USH2A: variants seen among roughly 807,000 people sequenced by gnomAD.
The protein encoded by USH2A is usherin.
In USH2A, 443 loss-of-function variants were observed where a neutral mutation model predicts 538.9. The ratio of observed to expected loss-of-function variants is 0.82; its 90% CI spans 0.76 to 0.89. The LOEUF (loss-of-function observed/expected upper bound fraction) is 0.89. Ranked by LOEUF, USH2A falls within the 40% of genes least tolerant of loss-of-function variation. The pLI is 0.00. For missense variants in USH2A, 6,633 were observed against 6,324.8 expected, an observed-to-expected ratio of 1.05 and a Z score of -1.65; for synonymous variants, 2,413 against 2,273.5, an observed-to-expected ratio of 1.06 and a Z score of -1.75.
At chr1:215,859,022 C>T (rs1290045588) in intron 44 of USH2A, among the ~76,000 whole-genome samples, 2 of 152,040 alleles carry the variant, frequency 1.3e-5, no homozygotes, top group African/African-American at 4.8e-5. Flanking sequence ...TTTTCCCATG[C>T]TTTTCCTCTG....
At chr1:216,142,154 T>C (rs1488175030) in intron 21 of USH2A, among the ~76,000 whole-genome samples, 1 of 152,208 alleles carries the variant, frequency 6.6e-6, no homozygotes, top group East Asian at 1.9e-4. Context: ...CCAGAAGATA[T>C]TATAATTTTC....
intron 25 of USH2A, 43 bp downstream of exon 25, chr1:216,084,655 C>T (rs759378619): frequency 5.0e-6 from 8 of 1,601,036 alleles, no homozygotes; most frequent in Non-Finnish European, 6.8e-6. Flanking sequence ...AAGGATAGAA[C>T]ATAGATTTTA....
chr1:215,779,765 C>A lies in USH2A; in HGVS notation c.10939+78G>T, dbSNP rs577050805. Reference sequence around the variant, plus strand: ...GAAGTGACCTCATATATCAAACACACACCCCTGGGATGCTTTGCCCCCCTA... The same window carrying A: ...GAAGTGACCTCATATATCAAACACAAACCCCTGGGATGCTTTGCCCCCCTA... On this transcript the variant is annotated intron_variant, in intron 55 of 71. Coordinates refer to ENST00000307340, the MANE Select transcript of USH2A (RefSeq NM_206933.4). 3.0e-4 allele frequency: 458 copies of A among 1,550,966 alleles called. 2 individuals carry two copies. Among genetic ancestry groups the A allele is most frequent in the Middle Eastern group, 2.0e-3 (9 of 4,424 alleles).
chr1:216,067,926 T>A (rs2031433266), intron 30 of USH2A, among the ~76,000 whole-genome samples: 1 of 151,612 alleles, frequency 6.6e-6, no homozygotes, highest in Non-Finnish European at 1.5e-5. Flanking sequence ...CAGAAAAAAA[T>A]GAAAGAGAAA....
intron 5 of USH2A, 33 bp downstream of exon 5, chr1:216,327,558 G>C: frequency 3.7e-6 from 6 of 1,609,876 alleles, no homozygotes; most frequent in Non-Finnish European, 5.1e-6. Context: ...TATCCTTTCG[G>C]TTCTTGAGGT....
intron 14 of USH2A, among the ~76,000 whole-genome samples, chr1:216,230,442 TAGA>T (rs1160298704): frequency 2.0e-5 from 3 of 152,160 alleles, no homozygotes; most frequent in Non-Finnish European, 4.4e-5. Flanking sequence ...TCTACGGTGA[TAGA>T]AGTAGAGCGT....
intron 41 of USH2A, among the ~76,000 whole-genome samples, chr1:215,882,256 C>G (rs1051617735): frequency 6.6e-6 from 1 of 152,072 alleles, no homozygotes; most frequent in East Asian, 1.9e-4. Flanking sequence ...CGTGTGTAGA[C>G]ATAAGATTGC....
intron 47 of USH2A, among the ~76,000 whole-genome samples, chr1:215,819,560 A>C (rs1313355100): frequency 6.6e-6 from 1 of 151,832 alleles, no homozygotes; most frequent in African/African-American, 2.4e-5. Flanking sequence ...GTTTTTATCA[A>C]ACTTTCAAAA....
chr1:216,278,846 C>G (rs2036719116), intron 11 of USH2A, among the ~76,000 whole-genome samples: 1 of 152,096 alleles, frequency 6.6e-6, no homozygotes, highest in African/African-American at 2.4e-5. Context: ...GAAGAGAAAC[C>G]ATTAATGAAC....
intron 32 of USH2A, among the ~76,000 whole-genome samples, chr1:216,018,296 G>A (rs551662572): frequency 6.6e-6 from 1 of 152,264 alleles, no homozygotes; most frequent in Admixed American, 6.5e-5. Flanking sequence ...CAGGCTTAAG[G>A]GGCACATTCA....
At chr1:215,983,112 A>C (rs1255408441) in intron 35 of USH2A, among the ~76,000 whole-genome samples, 1 of 151,964 alleles carries the variant, frequency 6.6e-6, no homozygotes, top group Non-Finnish European at 1.5e-5. Context: ...CACCATGCCC[A>C]GATAATTTTT....
chr1:216,100,410 T>C (rs1291616635), intron 21 of USH2A, among the ~76,000 whole-genome samples: 3 of 152,178 alleles, frequency 2.0e-5, no homozygotes, highest in Non-Finnish European at 4.4e-5. Flanking sequence ...AGAGAACAAT[T>C]ATATTTCTAC....
intron 4 of USH2A, among the ~76,000 whole-genome samples, chr1:216,362,446 T>C (rs2038510027): frequency 6.6e-6 from 1 of 152,244 alleles, no homozygotes; most frequent in East Asian, 1.9e-4. Flanking sequence ...GTAAGGATAG[T>C]TAGTGTTTAA....
intron 30 of USH2A, among the ~76,000 whole-genome samples, chr1:216,061,090 T>C (rs1284979084): frequency 6.6e-6 from 1 of 152,216 alleles, no homozygotes; most frequent in Non-Finnish European, 1.5e-5. Context: ...GCACAGAATC[T>C]AGACCCTGTG....
In USH2A at chr1:216,058,126, A is replaced by AT. The variant is rs1448517475; in HGVS notation, c.6050-9480_6050-9479insA. On this transcript the variant is annotated intron_variant, in intron 30 of 71. Coordinates refer to ENST00000307340, the MANE Select transcript of USH2A (RefSeq NM_206933.4). ...AAGCAGTCATCTTGAACTATGAGGT[A>AT]GAAGCCTTGTCCATAAGGATGACAC... 4.0e-5 allele frequency among the ~76,000 whole-genome samples: 6 copies of AT among 150,424 alleles called. 1 individual carries two copies. Among genetic ancestry groups the AT allele is most frequent in the African/African-American group, 1.5e-4 (6 of 40,254 alleles).
At chr1:215,724,360 CAG>C (rs1659750670) in intron 61 of USH2A, among the ~76,000 whole-genome samples, 2 of 149,306 alleles carry the variant, frequency 1.3e-5, no homozygotes, top group Admixed American at 1.4e-4. Flanking sequence ...AACTCAGACA[CAG>C]ACAGTCAAAT....
intron 3 of USH2A, among the ~76,000 whole-genome samples, chr1:216,392,491 CA>C (rs55951311): frequency 0.11 from 5,367 of 49,420 alleles, 58 homozygotes; most frequent in South Asian, 0.19. Flanking sequence ...GACTCCGTCT[CA>C]AAAAAAAAAA....
rs553896142 is a variant in USH2A at position 216,109,760 on chromosome 1, A to G, written c.4628-12547T>C. Among the ~76,000 whole-genome samples, 5 of 152,278 alleles carry G rather than the reference A, an allele frequency of 3.3e-5. No homozygotes were observed. In the South Asian group the frequency reaches 1.0e-3, roughly 32 times the overall value. Reference sequence around the variant, plus strand: ...ATTATCAGAAAATAATAATTATCTGATCAATTTATGTCCAACTTTTAAACT... The same window carrying G: ...ATTATCAGAAAATAATAATTATCTGGTCAATTTATGTCCAACTTTTAAACT... On this transcript the variant is annotated intron_variant, in intron 21 of 71. Coordinates refer to ENST00000307340, the MANE Select transcript of USH2A (RefSeq NM_206933.4).
chr1:216,267,492 C>A (rs1046295317), intron 11 of USH2A, among the ~76,000 whole-genome samples: 4 of 152,148 alleles, frequency 2.6e-5, no homozygotes, highest in Non-Finnish European at 5.9e-5. Flanking sequence ...TAAATGGAAA[C>A]AATAGCATGT....
Sources: allele counts gnomAD v4.1 joint callset (sites outside exome capture counted in the v4.1 genomes callset), GRCh38; gene constraint gnomAD v4.1.1; transcripts MANE v1.5; gene names NCBI Gene and HGNC (gene_info 2026-07-23, HGNC 2026-07-21).